Variants in ACTN2 observed in about 807,000 individuals in gnomAD.
The protein encoded by ACTN2 is actinin alpha 2.
ACTN2 carries 39 observed loss-of-function variants against 113.8 expected under a neutral mutation model. The ratio of observed to expected loss-of-function variants is 0.34; its 90% CI spans 0.27 to 0.45. The LOEUF is 0.45. ACTN2 is among the 20% of genes least tolerant of loss of function. The pLI, the probability that ACTN2 is intolerant of heterozygous loss-of-function variation, is 1.00. For synonymous variants in ACTN2, 429 were observed against 444.1 expected, an observed-to-expected ratio of 0.97 and a Z score of 0.43; for missense variants, 992 against 1,177.9, an observed-to-expected ratio of 0.84 and a Z score of 2.31.
rs184062949 is a variant in ACTN2 at position 236,741,580 on chromosome 1, T to G, written c.1108-1316T>G. Among the ~76,000 whole-genome samples, 388 of 152,348 alleles carry G rather than the reference T, an allele frequency of 2.5e-3. 2 individuals carry two copies. Among genetic ancestry groups the G allele is most frequent in the African/African-American group, 8.8e-3 (366 of 41,584 alleles). On this transcript the variant is annotated intron_variant, in intron 10 of 20. Transcript: ENST00000366578. ...TCCTTGATTCTTCCCTTTCTGTCAC[T>G]TTCTTACATCCAGTTCTTCAGCCAG...
At chr1:236,699,976 T>C (rs1225119240) in intron 1 of ACTN2, among the ~76,000 whole-genome samples, 1 of 152,102 alleles carries the variant, frequency 6.6e-6, no homozygotes, top group Non-Finnish European at 1.5e-5. Context: ...TTTACCCTGT[T>C]TCAAAATCCT....
chr1:236,719,247 T>A (rs770193305), intron 3 of ACTN2, among the ~76,000 whole-genome samples: 3 of 152,232 alleles, frequency 2.0e-5, no homozygotes, highest in Non-Finnish European at 4.4e-5. Context: ...TGCTGTCATC[T>A]TCAGAAGACT....
At chr1:236,695,356 A>T in intron 1 of ACTN2, among the ~76,000 whole-genome samples, 1 of 146,136 alleles carries the variant, frequency 6.8e-6, no homozygotes. Context: ...CCAGCATGGG[A>T]GACAGAGTGA....
At chr1:236,687,369 G>A (rs1362548532) in intron 1 of ACTN2, among the ~76,000 whole-genome samples, 2 of 152,176 alleles carry the variant, frequency 1.3e-5, no homozygotes, top group African/African-American at 2.4e-5. Context: ...AGCACACAGG[G>A]ACGAAGGAGT....
In ACTN2 at chr1:236,717,919, A is replaced by C; in HGVS notation, c.188A>C (p.Glu63Ala). Reference sequence around the variant, plus strand: ...GCCGGCACCCAGATTGAGAACATCGAGGAAGACTTCAGGAATGGCCTTAAG... The same window carrying C: ...GCCGGCACCCAGATTGAGAACATCGCGGAAGACTTCAGGAATGGCCTTAAG... ...RKAGTQIENI[E>A]EDFRNGLKLM... Residue 63 changes from glutamate (E) to alanine (A), a missense_variant, in exon 2 of 21, where the codon GAG becomes GCG. Glu to Ala is a moderately radical substitution (Grantham distance 107). Around this residue, in one of 3 missense-constraint regions of ACTN2, gnomAD observed 220 missense variants for 337.5 expected, o/e 0.65. Transcript: ENST00000366578. 6.2e-7 allele frequency: 1 copy of C among 1,614,166 alleles called. No individual in the cohort carries two copies.
chr1:236,695,567 C>A (rs1409365585), intron 1 of ACTN2, among the ~76,000 whole-genome samples: 1 of 98,662 alleles, frequency 1.0e-5, no homozygotes, highest in East Asian at 3.2e-4. Flanking sequence ...ATGAGTTCCC[C>A]CCCCCTGCCC....
chr1:236,742,016 GT>G (rs1260129409), intron 10 of ACTN2, among the ~76,000 whole-genome samples: 3 of 152,068 alleles, frequency 2.0e-5, no homozygotes, highest in African/African-American at 7.2e-5. Flanking sequence ...GGGCGTTCGA[GT>G]TTTTTCCCCT....
At chr1:236,758,639 GA>G (rs1659620071) in intron 18 of ACTN2, among the ~76,000 whole-genome samples, 1 of 142,816 alleles carries the variant, frequency 7.0e-6, no homozygotes, top group South Asian at 2.1e-4. Flanking sequence ...CTGTTTTTGA[GA>G]TGGAGTTGTG....
At chr1:236,749,015 C>A (rs538995629) in intron 13 of ACTN2, 109 bp from the exon 14 acceptor site, 4 of 1,246,078 alleles carry the variant, frequency 3.2e-6, no homozygotes, top group South Asian at 1.3e-5. Flanking sequence ...CATGCTAATA[C>A]GATTAACAGA....
rs2102950000 is a variant in ACTN2, at chr1:236,759,776, T to C, written c.2354T>C (p.Met785Thr). Residue 785 changes from methionine (M) to threonine (T), a missense_variant, in exon 19 of 21, where the codon ATG (methionine) becomes ACG (threonine). Physicochemically the swap from Met to Thr is moderately conservative, Grantham distance 81 (BLOSUM62 -1). This residue lies in a region of ACTN2 where 736 missense variants were observed against 815.4 expected (regional missense o/e 0.90). Coordinates refer to ENST00000366578, the MANE Select transcript of ACTN2 (RefSeq NM_001103.4). ...GATTTCAGAGCCTGCCTGATTTCCA[T>C]GGGTTATGACCTGGTAAGACAGAAG... ...HEDFRACLISMGYDLGEAEFA... is the reference protein window; with the variant it reads ...HEDFRACLISTGYDLGEAEFA... 2 of 1,613,952 alleles carry C rather than the reference T, an allele frequency of 1.2e-6. No individual in the cohort carries two copies. The highest frequency in any genetic ancestry group is 4.5e-5 in the East Asian group (2 of 44,876).
chr1:236,715,294 C>G (rs12040610), intron 1 of ACTN2, among the ~76,000 whole-genome samples: 56,053 of 131,900 alleles, frequency 0.42, 14,071 homozygotes, highest in Non-Finnish European at 0.56. Context: ...TCTCCTAATC[C>G]TATCCCTCCC....
chr1:236,753,851 T>TTCC, intron 15 of ACTN2, 96 bp from the exon 16 acceptor site: 10 of 966,964 alleles, frequency 1.0e-5, no homozygotes, highest in South Asian at 3.9e-5. Context: ...CCTTCTCCAC[T>TTCC]CCCACCCCCA....
chr1:236,725,516 A>G (rs1381383220), intron 4 of ACTN2, among the ~76,000 whole-genome samples: 5 of 152,102 alleles, frequency 3.3e-5, no homozygotes, highest in African/African-American at 1.2e-4. Context: ...AGTCCCAGCT[A>G]CTCGGGAGGC....
intron 6 of ACTN2, 152 bp downstream of exon 6, chr1:236,727,908 C>A: frequency 1.3e-6 from 1 of 751,814 alleles, no homozygotes; most frequent in Non-Finnish European, 2.3e-6. Flanking sequence ...CTAGCCTTTC[C>A]CATGATCCAA....
chr1:236,748,508 C>T lies in ACTN2; in HGVS notation c.1516-616C>T, dbSNP rs1451812263. ...CCTAATTATGGAAGGCTTAAAGCTA[C>T]GGAGATGCCTTCCCCTTCTGCCCCC... On this transcript the variant is annotated intron_variant, in intron 13 of 20. Transcript: ENST00000366578. Among the ~76,000 whole-genome samples the T allele has an allele frequency of 5.9e-5, 9 of 152,280 alleles. No homozygotes were observed. In the South Asian group the frequency reaches 1.9e-3, roughly 32 times the overall value.
At chr1:236,693,138 AGAC>A (rs1657325749) in intron 1 of ACTN2, among the ~76,000 whole-genome samples, 1 of 151,568 alleles carries the variant, frequency 6.6e-6, no homozygotes, top group Non-Finnish European at 1.5e-5. Flanking sequence ...TTTCTGAAGA[AGAC>A]TGAGGAAAAT....
intron 1 of ACTN2, among the ~76,000 whole-genome samples, chr1:236,698,737 A>G (rs942861388): frequency 1.8e-4 from 28 of 152,246 alleles, no homozygotes; most frequent in African/African-American, 6.8e-4. Context: ...TTTACCAGTG[A>G]ATTGAAAAAT....
intron 1 of ACTN2, among the ~76,000 whole-genome samples, chr1:236,695,388 A>G (rs1657458959): frequency 6.6e-6 from 1 of 151,444 alleles, no homozygotes; most frequent in Non-Finnish European, 1.5e-5. Flanking sequence ...AAAAAAAAAA[A>G]AAAAGTTAAG....
rs189638338 is a variant in ACTN2, at chr1:236,731,418, G to A, written c.697+104G>A. On this transcript the variant is annotated intron_variant, in intron 7 of 20. Coordinates refer to ENST00000366578, the MANE Select transcript of ACTN2 (RefSeq NM_001103.4). Reference sequence around the variant, plus strand: ...AAAATTTTATAGCGAAGTTACATCCGAAGTACTTTGGATTCCTAACAAATT... The same window carrying A: ...AAAATTTTATAGCGAAGTTACATCCAAAGTACTTTGGATTCCTAACAAATT... 135 of 874,058 alleles carry A rather than the reference G, an allele frequency of 1.5e-4. No homozygotes were observed. The East Asian group carries it at 2.6e-3, about 17-fold the overall frequency. 54.1% of individuals were successfully genotyped at this position (874,058 alleles called of 1,614,324 possible).
Sources: gnomAD v4.1 joint callset for allele counts (sites outside exome capture counted in the v4.1 genomes callset) on GRCh38, gnomAD v4.1.1 for gene constraint, gnomAD v4.1.1 regional missense constraint, MANE v1.5 for transcripts, NCBI Gene and HGNC (gene_info 2026-07-23, HGNC 2026-07-21) for gene names.